Variants in CELF4 observed in about 807,000 individuals in gnomAD.
The protein encoded by CELF4 is CUG-BP- and ETR-3-like factor 4.
In CELF4, 18 loss-of-function variants were observed where a neutral mutation model predicts 59.9. The observed-to-expected ratio is 0.30, with a 90% CI of 0.21 to 0.45. CELF4 has a LOEUF of 0.45. Ranked by LOEUF, CELF4 falls within the 20% of genes least tolerant of loss-of-function variation. The pLI is 1.00. For synonymous variants in CELF4, 261 were observed against 267.1 expected (o/e 0.98, Z 0.22); for missense variants, 456 against 689.0 (o/e 0.66, Z 3.79).
intron 12 of CELF4, among the ~76,000 whole-genome samples, chr18:37,248,688 G>A (rs150301655): frequency 0.011 from 1,676 of 152,214 alleles, 26 homozygotes; most frequent in African/African-American, 0.038. Context: ...AGTTCTCTTC[G>A]CTATCAGGAA....
chr18:37,491,234 C>T (rs895382328), intron 1 of CELF4, among the ~76,000 whole-genome samples: 8 of 147,096 alleles, frequency 5.4e-5, no homozygotes, highest in African/African-American at 1.5e-4. Context: ...TCTCCTCACC[C>T]GAGAGGACGC....
intron 2 of CELF4, among the ~76,000 whole-genome samples, chr18:37,395,992 ACTC>A (rs1214310029): frequency 2.7e-5 from 4 of 150,008 alleles, no homozygotes; most frequent in African/African-American, 7.4e-5. Context: ...TGTCTCACTC[ACTC>A]CTCCTTGGCA....
At chr18:37,479,394 G>A (rs1178341523) in intron 2 of CELF4, among the ~76,000 whole-genome samples, 1 of 152,186 alleles carries the variant, frequency 6.6e-6, no homozygotes, top group Non-Finnish European at 1.5e-5. Context: ...GACACTTGGG[G>A]CCAGATGATG....
chr18:37,438,808 A>G (rs2099701979), intron 2 of CELF4, among the ~76,000 whole-genome samples: 1 of 152,166 alleles, frequency 6.6e-6, no homozygotes, highest in African/African-American at 2.4e-5. Context: ...TAATTTATAC[A>G]TACTTTTTAC....
intron 3 of CELF4, among the ~76,000 whole-genome samples, chr18:37,302,980 C>A (rs2096165911): frequency 6.6e-6 from 1 of 152,112 alleles, no homozygotes; most frequent in Non-Finnish European, 1.5e-5. Context: ...GGGGCTCCAT[C>A]TCCTGCAGAA....
At chr18:37,469,703 C>T (rs537633366) in intron 2 of CELF4, among the ~76,000 whole-genome samples, 1 of 152,214 alleles carries the variant, frequency 6.6e-6, no homozygotes, top group South Asian at 2.1e-4. Flanking sequence ...ACTGTCTTCT[C>T]AGAACCTCTG....
chr18:37,375,849 C>G (rs2098962677), intron 2 of CELF4, among the ~76,000 whole-genome samples: 1 of 152,144 alleles, frequency 6.6e-6, no homozygotes, highest in South Asian at 2.1e-4. Flanking sequence ...TCTCCGTCCT[C>G]CCCGGTCCCA....
At chr18:37,318,889 C>G (rs1021835479) in intron 3 of CELF4, among the ~76,000 whole-genome samples, 7 of 152,180 alleles carry the variant, frequency 4.6e-5, no homozygotes, top group African/African-American at 1.7e-4. Flanking sequence ...CCTGCCTGCT[C>G]CACACCAGAT....
intron 2 of CELF4, among the ~76,000 whole-genome samples, chr18:37,353,196 G>A (rs947134736): frequency 7.6e-6 from 1 of 132,116 alleles, no homozygotes; most frequent in Non-Finnish European, 1.6e-5. Flanking sequence ...ACTCCAGCCT[G>A]GGCAACAGAG....
intron 3 of CELF4, among the ~76,000 whole-genome samples, chr18:37,317,760 C>G (rs940497207): frequency 6.6e-6 from 1 of 152,320 alleles, no homozygotes; most frequent in African/African-American, 2.4e-5. Flanking sequence ...TCAGCCTCAG[C>G]CAGCAATCCA....
intron 2 of CELF4, among the ~76,000 whole-genome samples, chr18:37,463,004 C>T (rs55668277): frequency 0.012 from 1,865 of 152,266 alleles, 53 homozygotes; most frequent in African/African-American, 0.042. Flanking sequence ...TGTGGACCTG[C>T]ACTCTGGGGG....
intron 2 of CELF4, among the ~76,000 whole-genome samples, chr18:37,371,105 T>A (rs902674100): frequency 6.6e-6 from 1 of 152,110 alleles, no homozygotes; most frequent in Non-Finnish European, 1.5e-5. Flanking sequence ...AAAGACCCCA[T>A]ATTTCTCCCT....
chr18:37,525,210 C>G (rs562816416), intron 1 of CELF4, among the ~76,000 whole-genome samples: 1 of 152,312 alleles, frequency 6.6e-6, no homozygotes, highest in East Asian at 1.9e-4. Flanking sequence ...GGACGGTGGC[C>G]TGTCGCTCTC....
At chr18:37,285,543 A>G (rs559483062) in intron 3 of CELF4, among the ~76,000 whole-genome samples, 40 of 152,316 alleles carry the variant, frequency 2.6e-4, no homozygotes, top group Non-Finnish European at 5.1e-4. Flanking sequence ...CTGGGGGGCC[A>G]GGAATGGCTC....
chr18:37,315,347 C>T (rs2096831708), intron 3 of CELF4, among the ~76,000 whole-genome samples: 1 of 152,086 alleles, frequency 6.6e-6, no homozygotes, highest in South Asian at 2.1e-4. Flanking sequence ...GTGGCAGCCC[C>T]TAGGGAGTCC....
chr18:37,564,583 T>C (rs936852472), intron 1 of CELF4, among the ~76,000 whole-genome samples: 1 of 152,126 alleles, frequency 6.6e-6, no homozygotes, highest in African/African-American at 2.4e-5. Flanking sequence ...CCTTTCAAAA[T>C]GCAAATCTCG....
intron 2 of CELF4, among the ~76,000 whole-genome samples, chr18:37,344,867 A>C (rs1025773394): frequency 6.6e-6 from 1 of 152,180 alleles, no homozygotes; most frequent in African/African-American, 2.4e-5. Flanking sequence ...CCTGGATTTC[A>C]TCCCCCTAGA....
intron 1 of CELF4, among the ~76,000 whole-genome samples, chr18:37,520,509 G>T (rs1184726129): frequency 6.6e-6 from 1 of 152,078 alleles, no homozygotes; most frequent in Admixed American, 6.5e-5. Context: ...AGCTGGCAGA[G>T]GGTAACAGGC....
At chr18:37,334,806 G>A (rs890120887) in intron 2 of CELF4, among the ~76,000 whole-genome samples, 1 of 151,990 alleles carries the variant, frequency 6.6e-6, no homozygotes, top group African/African-American at 2.4e-5. Flanking sequence ...GAGTCCCCAG[G>A]CATGTTAAAA....
Sources: allele counts gnomAD v4.1 joint callset (sites outside exome capture counted in the v4.1 genomes callset), GRCh38; gene constraint gnomAD v4.1.1; transcripts MANE v1.5; gene names NCBI Gene and HGNC (gene_info 2026-07-23, HGNC 2026-07-21).